Variants in HIVEP2 observed in about 807,000 individuals in gnomAD.
HIVEP2 encodes HIVEP zinc finger 2.
A neutral mutation model predicts 180.7 loss-of-function variants in HIVEP2; 14 were observed. The observed-to-expected ratio is 0.08, with a 90% CI of 0.05 to 0.12. HIVEP2 has a LOEUF of 0.12. Among genes scored for constraint, HIVEP2 ranks in the 10% least tolerant of loss-of-function variants. HIVEP2 has a pLI of 1.00. For missense variants in HIVEP2, 2,579 were observed against 3,008.5 expected, an observed-to-expected ratio of 0.86 and a Z score of 3.34; for synonymous variants, 1,184 against 1,136.4, an observed-to-expected ratio of 1.04 and a Z score of -0.84.
rs1775635382 is a variant in HIVEP2 at position 142,774,333 on chromosome 6, C to T, written c.406G>A (p.Glu136Lys). Reference protein sequence around the residue: ...FPGPLPSVASEDLFPFPIHGH... With the variant: ...FPGPLPSVASKDLFPFPIHGH... ...TGTATAGGAAAAGGAAATAAGTCCT[C>T]AGAGGCAACGGATGGCAAAGGGCCA... Residue 136 changes from glutamate (E) to lysine (K), a missense_variant, in exon 5 of 10, where the codon GAG (glutamate) becomes AAG (lysine). Glu to Lys is a moderately conservative substitution (Grantham distance 56). Transcript: ENST00000367603. The surrounding 1 kb of genome is among the most constrained non-coding windows in gnomAD (Gnocchi z 5.1). 2.5e-6 allele frequency: 4 copies of T among 1,614,206 alleles called. No individual in the cohort carries two copies. The highest frequency in any genetic ancestry group is 3.4e-6 in the Non-Finnish European group (4 of 1,180,040).
chr6:142,889,097 C>A (rs4896601), intron 1 of HIVEP2, among the ~76,000 whole-genome samples: 45,870 of 152,054 alleles, frequency 0.3, 7,574 homozygotes, highest in Admixed American at 0.44. Flanking sequence ...CTTATTACTG[C>A]ATCTCCAGCT....
chr6:142,849,330 A>G (rs1039869455), intron 1 of HIVEP2, among the ~76,000 whole-genome samples: 3 of 152,168 alleles, frequency 2.0e-5, no homozygotes, highest in Non-Finnish European at 2.9e-5. Flanking sequence ...AGGAAAACCA[A>G]GCTGAAAGGA....
chr6:142,765,468 C>T (rs571715677), intron 6 of HIVEP2, among the ~76,000 whole-genome samples: 1 of 152,324 alleles, frequency 6.6e-6, no homozygotes, highest in South Asian at 2.1e-4. Flanking sequence ...ATTGCAAGTT[C>T]CTACTCTATT....
At chr6:142,855,177 A>C (rs1582915508) in intron 1 of HIVEP2, among the ~76,000 whole-genome samples, 1 of 152,224 alleles carries the variant, frequency 6.6e-6, no homozygotes, top group African/African-American at 2.4e-5. Flanking sequence ...TGTGGGCTAC[A>C]ATAGATGAAC....
In HIVEP2 at chr6:142,771,105, T is replaced by G. The variant is rs753421543; in HGVS notation, c.3634A>C (p.Thr1212Pro). 1.9e-6 allele frequency: 3 copies of G among 1,614,046 alleles called. No individual in the cohort carries two copies. The East Asian group carries it at 6.7e-5, about 36-fold the overall frequency. The change falls in exon 5 of 10, where the codon ACA becomes CCA. Residue 1212 changes from threonine (T) to proline (P), a missense_variant. Thr to Pro is a conservative substitution (Grantham distance 38, BLOSUM62 -1). Coordinates refer to ENST00000367603, the MANE Select transcript of HIVEP2 (RefSeq NM_006734.4). The surrounding 1 kb of genome is among the most constrained non-coding windows in gnomAD (Gnocchi z 5.4). ...QNALFQFQYP[T>P]VCMVHLPAQQ... ...GCTGGTAAATGAACCATACAAACTG[T>G]AGGATACTGAAACTGAAACAAGGCA...
At chr6:142,915,284 A>G (rs1428934980) in intron 1 of HIVEP2, among the ~76,000 whole-genome samples, 1 of 152,200 alleles carries the variant, frequency 6.6e-6, no homozygotes, top group Non-Finnish European at 1.5e-5. Flanking sequence ...ATTAGTTAGG[A>G]TGACATCACA....
chr6:142,942,882 T>G (rs763057679), intron 1 of HIVEP2, among the ~76,000 whole-genome samples: 29 of 152,246 alleles, frequency 1.9e-4, no homozygotes, highest in Admixed American at 1.6e-3. Flanking sequence ...AATTTTGTTT[T>G]ATACCCGACC....
intron 1 of HIVEP2, among the ~76,000 whole-genome samples, chr6:142,942,173 T>C (rs1017617005): frequency 2.6e-5 from 4 of 152,192 alleles, no homozygotes; most frequent in African/African-American, 9.7e-5. Flanking sequence ...TAATTACTGA[T>C]AATAATTTAA....
chr6:142,770,603 A>C lies in HIVEP2; in HGVS notation c.4136T>G (p.Val1379Gly). 6.2e-7 allele frequency: 1 copy of C among 1,614,176 alleles called. No homozygotes were observed. Residue 1379 changes from valine (V) to glycine (G), a missense_variant, in exon 5 of 10, where the codon GTC becomes GGC. Physicochemically the swap from Val to Gly is moderately radical, Grantham distance 109. Around this residue, in one of 11 missense-constraint regions of HIVEP2, gnomAD observed 523 missense variants for 577.0 expected, o/e 0.91. Transcript: ENST00000367603. The surrounding 1 kb of genome is among the most constrained non-coding windows in gnomAD (Gnocchi z 4.7). ...VDENMTQRTL[V>G]TNAAMQGIGF... ...TATCCCTTGCATGGCTGCGTTGGTG[A>C]CCAGTGTCCTTTGGGTCATATTCTC...
intron 1 of HIVEP2, among the ~76,000 whole-genome samples, chr6:142,843,767 C>T (rs1775432514): frequency 6.6e-6 from 1 of 152,212 alleles, no homozygotes; most frequent in Non-Finnish European, 1.5e-5. Context: ...TAGTCTTATG[C>T]AAATTTTCTC....
rs1376103345 is a variant in HIVEP2 at position 142,752,803 on chromosome 6, A to T, written c.*304T>A. On this transcript the variant is annotated 3_prime_UTR_variant, in exon 10 of 10. Coordinates refer to ENST00000367603, the MANE Select transcript of HIVEP2 (RefSeq NM_006734.4). Reference sequence around the variant, plus strand: ...ATTACAAAGCAGATACACAAATTCTAAAATATGTACAAATTACTGCTAAAA... The same window carrying T: ...ATTACAAAGCAGATACACAAATTCTTAAATATGTACAAATTACTGCTAAAA... 6 of 259,356 alleles carry T rather than the reference A, an allele frequency of 2.3e-5. No individual in the cohort carries two copies. The highest frequency in any genetic ancestry group is 3.7e-5 in the Non-Finnish European group (5 of 135,786). The allele number at this position is 259,356 out of a possible 1,614,324, so 16.1% of individuals were successfully genotyped here.
Position 142,774,120 on chromosome 6 carries a change from G to A in HIVEP2, c.619C>T (p.His207Tyr). ...CGCTCCCCAGTATGGGACCTGATGTGTTTTTTCAGTACACTAGGTTTGGCA... is the reference window on the plus strand; with the variant it reads ...CGCTCCCCAGTATGGGACCTGATGTATTTTTTCAGTACACTAGGTTTGGCA... ...ACAKPSVLKK[H>Y]IRSHTGERPY... Residue 207 changes from histidine to tyrosine, a missense_variant, in exon 5 of 10, where the codon CAC becomes TAC. This residue lies in a region of HIVEP2 where 26 missense variants were observed against 76.9 expected (regional missense o/e 0.34). Coordinates refer to ENST00000367603, the MANE Select transcript of HIVEP2 (RefSeq NM_006734.4). This position sits in a 1 kb window ranked among gnomAD's most constrained non-coding sequence, Gnocchi z 5.1. 1 of 1,614,160 alleles carries A rather than the reference G, an allele frequency of 6.2e-7. No homozygotes were observed. Among genetic ancestry groups the A allele is most frequent in the East Asian group, 2.2e-5 (1 of 44,880 alleles).
Position 142,943,313 on chromosome 6 carries a change from T to C in HIVEP2, c.-641+1786A>G, listed in dbSNP as rs929804855. Among the ~76,000 whole-genome samples the C allele has an allele frequency of 6.6e-6, 1 of 152,188 alleles. No homozygotes were observed. The highest frequency in any genetic ancestry group is 2.4e-5 in the African/African-American group (1 of 41,428). On this transcript the variant is annotated intron_variant, in intron 1 of 9. Transcript: ENST00000367603. The surrounding 1 kb of genome is among the most constrained non-coding windows in gnomAD (Gnocchi z 4.5). Reference sequence around the variant, plus strand: ...ACATTTGCTACATATGTAGCAAACATATGGGATCTATATGTGCAAATATTT... The same window carrying C: ...ACATTTGCTACATATGTAGCAAACACATGGGATCTATATGTGCAAATATTT...
intron 7 of HIVEP2, among the ~76,000 whole-genome samples, chr6:142,763,957 T>C (rs965812144): frequency 3.9e-5 from 6 of 152,160 alleles, no homozygotes; most frequent in African/African-American, 1.4e-4. Flanking sequence ...TAATTTTACT[T>C]GGTATTTCTT....
At position 142,771,652 on chromosome 6, in the gene HIVEP2, G is replaced by A. The variant is rs1775547979; in HGVS notation, c.3087C>T (p.Arg1029=). The A allele has an allele frequency of 3.7e-6, 6 of 1,614,074 alleles. No individual in the cohort carries two copies. Among genetic ancestry groups the A allele is most frequent in the Non-Finnish European group, 5.1e-6 (6 of 1,180,040 alleles). The change falls in exon 5 of 10, where the codon CGC becomes CGT. Residue 1029 remains arginine (R), a synonymous_variant. Coordinates refer to ENST00000367603, the MANE Select transcript of HIVEP2 (RefSeq NM_006734.4). This position sits in a 1 kb window ranked among gnomAD's most constrained non-coding sequence, Gnocchi z 5.4. ...PGHHHQKEMR[R]CSSEQMPCPH... ...GACAAGGCATCTGCTCTGATGAGCA[G>A]CGTCGCATCTCTTTCTGGTGGTGAT...
intron 1 of HIVEP2, among the ~76,000 whole-genome samples, chr6:142,918,043 G>T (rs1419668394): frequency 6.6e-6 from 1 of 152,142 alleles, no homozygotes; most frequent in East Asian, 1.9e-4. Flanking sequence ...AAAGTGCTGG[G>T]ATTATAGACG....
rs548306431 is a variant in HIVEP2 at position 142,846,025 on chromosome 6, T to C, written c.-640-8978A>G. 2.0e-5 allele frequency among the ~76,000 whole-genome samples: 3 copies of C among 152,326 alleles called. No individual in the cohort carries two copies. The East Asian group carries it at 5.8e-4, about 29-fold the overall frequency. Reference sequence around the variant, plus strand: ...TGCAGACAGGACATCCCTCCTGGCATCCAGTGTGAGCGAAGTCCAGGCCAC... The same window carrying C: ...TGCAGACAGGACATCCCTCCTGGCACCCAGTGTGAGCGAAGTCCAGGCCAC... On this transcript the variant is annotated intron_variant, in intron 1 of 9. Coordinates refer to ENST00000367603, the MANE Select transcript of HIVEP2 (RefSeq NM_006734.4).
rs1387817741 is a variant in HIVEP2 at position 142,772,266 on chromosome 6, A to T, written c.2473T>A (p.Cys825Ser). ...ERSESAELVACTQDKAPSPSE... is the reference protein window; with the variant it reads ...ERSESAELVASTQDKAPSPSE... ...GGGGAAGGGGCTTTATCCTGTGTGC[A>T]AGCCACAAGTTCGGCTGACTCAGAC... The change falls in exon 5 of 10, where the codon TGC (cysteine) becomes AGC (serine). Residue 825 changes from cysteine to serine, a missense_variant. Coordinates refer to ENST00000367603, the MANE Select transcript of HIVEP2 (RefSeq NM_006734.4). This position sits in a 1 kb window ranked among gnomAD's most constrained non-coding sequence, Gnocchi z 4.9. 3 of 1,614,088 alleles carry T rather than the reference A, an allele frequency of 1.9e-6. No homozygotes were observed. In the African/African-American group the frequency reaches 4.0e-5, roughly 22 times the overall value.
At chr6:142,827,704 GGGA>G (rs1288435651) in intron 2 of HIVEP2, among the ~76,000 whole-genome samples, 1 of 152,210 alleles carries the variant, frequency 6.6e-6, no homozygotes, top group African/African-American at 2.4e-5. Flanking sequence ...GGAGGTAGCA[GGGA>G]GGAGGAGGAA....
Sources: allele counts gnomAD v4.1 joint callset (sites outside exome capture counted in the v4.1 genomes callset), GRCh38; gene constraint gnomAD v4.1.1; regional missense constraint gnomAD v4.1.1; non-coding constraint Gnocchi (gnomAD v3.1); transcripts MANE v1.5; gene names NCBI Gene and HGNC (gene_info 2026-07-23, HGNC 2026-07-21).